Variants in NRG3 observed in about 807,000 individuals in gnomAD.
The protein encoded by NRG3 is pro-neuregulin-3, membrane-bound isoform.
A neutral mutation model predicts 66.9 loss-of-function variants in NRG3; 31 were observed. That is an observed-to-expected ratio of 0.46 (90% CI 0.35 to 0.63). The LOEUF (loss-of-function observed/expected upper bound fraction) is 0.63. Among genes scored for constraint, NRG3 ranks in the 20% least tolerant of loss-of-function variants. The pLI is 0.00. For missense variants in NRG3, 910 were observed against 878.9 expected (o/e 1.04, Z -0.45); for synonymous variants, 393 against 359.4 (o/e 1.09, Z -1.06).
At chr10:81,943,431 G>A (rs1848567808) in intron 1 of NRG3, among the ~76,000 whole-genome samples, 1 of 152,096 alleles carries the variant, frequency 6.6e-6, no homozygotes, top group Admixed American at 6.6e-5. Context: ...AACAATTCAG[G>A]CTTCCCCCTT....
At chr10:82,241,848 G>A (rs1398185651) in intron 1 of NRG3, among the ~76,000 whole-genome samples, 1 of 152,168 alleles carries the variant, frequency 6.6e-6, no homozygotes, top group African/African-American at 2.4e-5. Context: ...ATTACCATCT[G>A]TGTAAAGCAA....
intron 2 of NRG3, among the ~76,000 whole-genome samples, chr10:82,409,893 A>G (rs1198488343): frequency 6.6e-6 from 1 of 152,148 alleles, no homozygotes; most frequent in African/African-American, 2.4e-5. Context: ...CAGCCAAAGC[A>G]TCTACATGTG....
intron 1 of NRG3, among the ~76,000 whole-genome samples, chr10:81,983,157 T>C (rs1418079447): frequency 6.6e-6 from 1 of 152,192 alleles, no homozygotes; most frequent in East Asian, 1.9e-4. Context: ...GTAAATTCAC[T>C]GGCACTCCAA....
intron 1 of NRG3, among the ~76,000 whole-genome samples, chr10:82,286,936 T>C (rs1225600619): frequency 6.6e-6 from 1 of 152,196 alleles, no homozygotes; most frequent in Non-Finnish European, 1.5e-5. Flanking sequence ...AAGAATACTT[T>C]GAAAGAACTG....
At chr10:81,986,286 T>G (rs1473174397) in intron 1 of NRG3, among the ~76,000 whole-genome samples, 1 of 152,086 alleles carries the variant, frequency 6.6e-6, no homozygotes, top group Admixed American at 6.6e-5. Context: ...ACTAGTACCC[T>G]TAAAATTAAC....
intron 1 of NRG3, among the ~76,000 whole-genome samples, chr10:82,076,859 T>C (rs1343587998): frequency 6.6e-6 from 1 of 152,322 alleles, no homozygotes; most frequent in Non-Finnish European, 1.5e-5. Context: ...CAGTCTCAGG[T>C]ATTCCTCTAT....
chr10:82,327,449 TTATC>T (rs1326067375), intron 1 of NRG3, among the ~76,000 whole-genome samples: 5 of 152,306 alleles, frequency 3.3e-5, no homozygotes, highest in African/African-American at 7.2e-5. Context: ...ATTTCTTGCT[TTATC>T]TATCTATCTT....
At chr10:82,488,026 T>C (rs1228463937) in intron 2 of NRG3, among the ~76,000 whole-genome samples, 2 of 152,220 alleles carry the variant, frequency 1.3e-5, no homozygotes, top group Non-Finnish European at 2.9e-5. Flanking sequence ...TTCAAGGCTA[T>C]TGAAAATAAG....
chr10:82,411,118 G>A (rs902922781), intron 2 of NRG3, among the ~76,000 whole-genome samples: 2 of 152,082 alleles, frequency 1.3e-5, no homozygotes, highest in African/African-American at 4.8e-5. Flanking sequence ...ATTTCAGCAT[G>A]TAAGCCAGGC....
intron 3 of NRG3, among the ~76,000 whole-genome samples, chr10:82,744,663 G>T (rs946878495): frequency 6.6e-6 from 1 of 152,058 alleles, no homozygotes; most frequent in Non-Finnish European, 1.5e-5. Flanking sequence ...AGACTACAAA[G>T]GACGTAATGT....
At position 82,080,716 on chromosome 10, in the gene NRG3, TA is replaced by T. The variant is rs568356260; in HGVS notation, c.823+204561del. 9.1e-3 allele frequency among the ~76,000 whole-genome samples: 1,386 copies of T among 152,124 alleles called. 4 individuals carry two copies. Among genetic ancestry groups the T allele is most frequent in the African/African-American group, 0.013 (523 of 41,530 alleles). The stretch of plus-strand genomic sequence containing the variant: ...TTTTTCTTTTTTTTGTTTTAACCTT[TA>T]AAAAAAATGTGGTAAAATATATATA... On this transcript the variant is annotated intron_variant, in intron 1 of 8. Transcript: ENST00000372141.
intron 1 of NRG3, among the ~76,000 whole-genome samples, chr10:82,246,629 G>C (rs2077255477): frequency 6.6e-6 from 1 of 152,160 alleles, no homozygotes; most frequent in African/African-American, 2.4e-5. Flanking sequence ...ATTGAAGTTT[G>C]ACCAAAAGAG....
intron 3 of NRG3, among the ~76,000 whole-genome samples, chr10:82,793,144 A>G (rs2060659032): frequency 6.6e-6 from 1 of 152,140 alleles, no homozygotes; most frequent in South Asian, 2.1e-4. Context: ...TAAAATGTTG[A>G]TCATTCCATC....
chr10:82,582,142 C>T (rs895961877), intron 2 of NRG3, among the ~76,000 whole-genome samples: 1 of 151,894 alleles, frequency 6.6e-6, no homozygotes, highest in Non-Finnish European at 1.5e-5. Context: ...TACTCGTCAG[C>T]AAAAAAATTC....
intron 6 of NRG3, 39 bp downstream of exon 6, chr10:82,959,114 C>T: frequency 1.3e-6 from 2 of 1,529,888 alleles, no homozygotes; most frequent in Non-Finnish European, 1.7e-6. Flanking sequence ...TATAGCCTAC[C>T]TCAGTGCTTC....
intron 1 of NRG3, among the ~76,000 whole-genome samples, chr10:82,001,197 A>G (rs1237898363): frequency 3.0e-5 from 4 of 131,266 alleles, no homozygotes; most frequent in African/African-American, 1.2e-4. Context: ...GTGTAAGAGA[A>G]AAAAAAAAAA....
At chr10:82,512,320 C>CT (rs1351971866) in intron 2 of NRG3, among the ~76,000 whole-genome samples, 3 of 151,720 alleles carry the variant, frequency 2.0e-5, no homozygotes, top group African/African-American at 7.3e-5. Flanking sequence ...GAGTTTCACT[C>CT]TGTTGCCCAG....
intron 1 of NRG3, among the ~76,000 whole-genome samples, chr10:81,897,606 G>T (rs1325739690): frequency 6.6e-6 from 1 of 152,058 alleles, no homozygotes; most frequent in African/African-American, 2.4e-5. Flanking sequence ...TGGATTGGGT[G>T]GGGGGATGGG....
At chr10:82,350,852 A>G (rs2135508131) in intron 1 of NRG3, among the ~76,000 whole-genome samples, 1 of 151,692 alleles carries the variant, frequency 6.6e-6, no homozygotes, top group African/African-American at 2.4e-5. Context: ...TAGCCACAAT[A>G]TGGAGAGCTC....
Sources: gnomAD v4.1 joint callset for allele counts (sites outside exome capture counted in the v4.1 genomes callset) on GRCh38, gnomAD v4.1.1 for gene constraint, MANE v1.5 for transcripts, NCBI Gene and HGNC (gene_info 2026-07-23, HGNC 2026-07-21) for gene names.